NTRK2: variants seen among roughly 807,000 people sequenced by gnomAD.
The protein encoded by NTRK2 is neurotrophic receptor tyrosine kinase 2.
NTRK2 carries 13 observed loss-of-function variants against 94.5 expected under a neutral mutation model. The observed-to-expected ratio is 0.14, with a 90% CI of 0.09 to 0.22. The LOEUF (loss-of-function observed/expected upper bound fraction) is 0.22, where lower values mean the gene tolerates loss of function less well. Ranked by LOEUF, NTRK2 falls within the 10% of genes least tolerant of loss-of-function variation. The pLI is 1.00. For missense variants in NTRK2, 639 were observed against 1,071.2 expected, an observed-to-expected ratio of 0.60 and a Z score of 5.63; for synonymous variants, 372 against 407.4, an observed-to-expected ratio of 0.91 and a Z score of 1.05.
chr9:84,749,836 C>A (rs1588349450), intron 11 of NTRK2, among the ~76,000 whole-genome samples: 1 of 152,106 alleles, frequency 6.6e-6, no homozygotes. Flanking sequence ...TAATCTCTAC[C>A]CTATAATGCT....
chr9:84,904,784 G>A (rs1050017809), intron 14 of NTRK2, among the ~76,000 whole-genome samples: 10 of 152,156 alleles, frequency 6.6e-5, no homozygotes, highest in Admixed American at 1.3e-4. Flanking sequence ...TTTACTCAAA[G>A]TCCAATCTCT....
intron 15 of NTRK2, among the ~76,000 whole-genome samples, chr9:84,941,533 G>T (rs1017656387): frequency 5.9e-5 from 9 of 152,162 alleles, no homozygotes; most frequent in Non-Finnish European, 4.4e-5. Flanking sequence ...TCACACTTTT[G>T]TATCTCTGGA....
chr9:84,755,600 C>T (rs138781908), intron 12 of NTRK2, among the ~76,000 whole-genome samples: 11 of 140,838 alleles, frequency 7.8e-5, no homozygotes, highest in African/African-American at 2.9e-4. Flanking sequence ...TCAGTTTGTC[C>T]CGGTTTTGTC....
chr9:84,764,780 T>C (rs545467363), intron 12 of NTRK2, among the ~76,000 whole-genome samples: 2 of 152,198 alleles, frequency 1.3e-5, no homozygotes, highest in Non-Finnish European at 2.9e-5. Flanking sequence ...TGCAGCACTG[T>C]TCACAATAGC....
chr9:84,821,268 AT>A (rs1252856127), intron 12 of NTRK2, among the ~76,000 whole-genome samples: 39 of 152,076 alleles, frequency 2.6e-4, no homozygotes, highest in African/African-American at 9.4e-4. Context: ...CTTAGCTTGC[AT>A]GTTTATGTGT....
At chr9:84,864,736 CTTTTTTTTTTT>C (rs71369154) in intron 13 of NTRK2, among the ~76,000 whole-genome samples, 4 of 104,590 alleles carry the variant, frequency 3.8e-5, no homozygotes, top group East Asian at 3.1e-4. Flanking sequence ...TCTTAATTTT[CTTTTTTTTTTT>C]TTTTTTTTTT....
chr9:84,920,945 C>T (rs138789914), intron 14 of NTRK2, among the ~76,000 whole-genome samples: 6 of 152,312 alleles, frequency 3.9e-5, no homozygotes, highest in African/African-American at 9.6e-5. Context: ...ATAATCTACT[C>T]GGAATATTTG....
At chr9:84,819,131 A>G (rs1462788462) in intron 12 of NTRK2, among the ~76,000 whole-genome samples, 3 of 152,208 alleles carry the variant, frequency 2.0e-5, no homozygotes, top group Non-Finnish European at 2.9e-5. Flanking sequence ...TCTCTTTTAG[A>G]AATGTTTATC....
At chr9:84,900,194 G>T (rs776049676) in intron 14 of NTRK2, among the ~76,000 whole-genome samples, 1 of 152,114 alleles carries the variant, frequency 6.6e-6, no homozygotes, top group African/African-American at 2.4e-5. Context: ...GATCACGTTC[G>T]GAAAATGAGT....
chr9:84,885,027 G>A (rs2076371068), intron 14 of NTRK2, among the ~76,000 whole-genome samples: 1 of 152,176 alleles, frequency 6.6e-6, no homozygotes, highest in Non-Finnish European at 1.5e-5. Context: ...GGAAACGGAT[G>A]GAAAACTCAG....
chr9:84,996,532 C>A (rs1237954058), intron 17 of NTRK2, among the ~76,000 whole-genome samples: 1 of 152,138 alleles, frequency 6.6e-6, no homozygotes, highest in African/African-American at 2.4e-5. Context: ...GGAGAAAGAC[C>A]CTTTGTCAGG....
At chr9:84,900,556 T>A (rs2076895844) in intron 14 of NTRK2, among the ~76,000 whole-genome samples, 1 of 152,182 alleles carries the variant, frequency 6.6e-6, no homozygotes, top group Non-Finnish European at 1.5e-5. Flanking sequence ...TGGTACAGCA[T>A]CCATATCTCT....
intron 18 of NTRK2, among the ~76,000 whole-genome samples, chr9:85,020,781 T>C (rs958316506): frequency 1.3e-5 from 2 of 152,260 alleles, no homozygotes; most frequent in Non-Finnish European, 2.9e-5. Context: ...TTGTTTTTTC[T>C]ATTCTTACGC....
chr9:84,948,674 G>GCCTT, intron 16 of NTRK2, 40 bp downstream of exon 16: 1 of 1,599,252 alleles, frequency 6.3e-7, no homozygotes, highest in Non-Finnish European at 8.6e-7. Flanking sequence ...GAGGGAGCAG[G>GCCTT]CCTTCAGGGT....
intron 14 of NTRK2, chr9:84,874,221 G>A: frequency 9.4e-7 from 1 of 1,065,308 alleles, no homozygotes; most frequent in Non-Finnish European, 1.1e-6. Flanking sequence ...TTGCAGAGTA[G>A]CCTCCTATGT....
chr9:84,726,021 A>C (rs1229697201), intron 8 of NTRK2, among the ~76,000 whole-genome samples: 2 of 152,150 alleles, frequency 1.3e-5, no homozygotes, highest in Non-Finnish European at 2.9e-5. Context: ...GGGAGGATTT[A>C]CCTGAATACA....
intron 12 of NTRK2, among the ~76,000 whole-genome samples, chr9:84,826,693 A>T (rs972926729): frequency 2.0e-5 from 3 of 152,122 alleles, no homozygotes; most frequent in African/African-American, 7.2e-5. Flanking sequence ...TAAAAGGGGG[A>T]TACTCATTTC....
chr9:84,686,647 G>A (rs2059733012), intron 2 of NTRK2, among the ~76,000 whole-genome samples: 1 of 152,208 alleles, frequency 6.6e-6, no homozygotes, highest in African/African-American at 2.4e-5. Flanking sequence ...AAAAGATAAT[G>A]TGTCAGGTCT....
chr9:84,945,762 T>C (rs1437015166), intron 15 of NTRK2, among the ~76,000 whole-genome samples: 1 of 152,236 alleles, frequency 6.6e-6, no homozygotes, highest in East Asian at 1.9e-4. Flanking sequence ...GCGGTTTCTA[T>C]GGCAACAGCC....
Sources: allele counts gnomAD v4.1 joint callset (sites outside exome capture counted in the v4.1 genomes callset), GRCh38; gene constraint gnomAD v4.1.1; transcripts MANE v1.5; gene names NCBI Gene and HGNC (gene_info 2026-07-23, HGNC 2026-07-21).